The following EIPR1 variants were observed in gnomAD, a reference collection of about 807,000 sequenced individuals.
The protein encoded by EIPR1 is EARP and GARP complex-interacting protein 1.
EIPR1 carries 25 observed loss-of-function variants against 48.1 expected under a neutral mutation model. The observed-to-expected ratio is 0.52, with a 90% CI of 0.38 to 0.73. The LOEUF is 0.73. Among genes scored for constraint, EIPR1 ranks in the 30% least tolerant of loss-of-function variants. EIPR1 has a pLI of 0.00. For synonymous variants in EIPR1, 204 were observed against 201.9 expected, an observed-to-expected ratio of 1.01 and a Z score of -0.09; for missense variants, 415 against 506.2, an observed-to-expected ratio of 0.82 and a Z score of 1.73.
intron 4 of EIPR1, among the ~76,000 whole-genome samples, chr2:3,245,188 C>CCGTTG (rs57101380): frequency 3.3e-5 from 5 of 150,732 alleles, no homozygotes; most frequent in African/African-American, 4.9e-5. Context: ...TTTTACTTTA[C>CCGTTG]CGTTGCGTTG....
At position 3,355,710 on chromosome 2, in the gene EIPR1, G is replaced by C. The variant is rs573282121; in HGVS notation, c.43-1077C>G. Among the ~76,000 whole-genome samples, 5 of 152,184 alleles carry C rather than the reference G, an allele frequency of 3.3e-5. No homozygotes were observed. The South Asian group carries it at 1.0e-3, about 32-fold the overall frequency. On this transcript the variant is annotated intron_variant, in intron 1 of 8. Coordinates refer to ENST00000382125, the MANE Select transcript of EIPR1 (RefSeq NM_003310.5). ...CGTGCCTGTTGACTTAGCTGCTCAA[G>C]AGGCTGGGGCAGGAGGATCACTCGA...
At chr2:3,231,670 A>C (rs1666247873) in intron 4 of EIPR1, among the ~76,000 whole-genome samples, 1 of 152,204 alleles carries the variant, frequency 6.6e-6, no homozygotes, top group African/African-American at 2.4e-5. Flanking sequence ...GCATCCTTGC[A>C]TCTGAGGGAC....
intron 4 of EIPR1, among the ~76,000 whole-genome samples, chr2:3,234,535 A>G (rs1005819543): frequency 9.9e-5 from 15 of 152,210 alleles, no homozygotes; most frequent in Non-Finnish European, 1.9e-4. Context: ...TGCACAATAA[A>G]TAAGACCAGA....
In EIPR1 at chr2:3,189,655, G is replaced by A. The variant is rs1374716828; in HGVS notation, c.990-147C>T. ...CCGCTGTGGGATGGGAAGAATTAGA[G>A]GAGCCCACACCGAGGACGGTGGGGT... On this transcript the variant is annotated intron_variant, in intron 8 of 8. Transcript: ENST00000382125. The surrounding 1 kb of genome is among the most constrained non-coding windows in gnomAD (Gnocchi z 4.6). The A allele has an allele frequency of 6.6e-6, 5 of 756,344 alleles. No individual in the cohort carries two copies. Among genetic ancestry groups the A allele is most frequent in the Admixed American group, 3.2e-5 (1 of 31,010 alleles). 46.9% of individuals were successfully genotyped at this position (756,344 alleles called of 1,614,324 possible). A position where few individuals can be genotyped will look rare whatever the true frequency, so the allele number is the denominator to read the frequency against.
intron 7 of EIPR1, 88 bp downstream of exon 7, chr2:3,193,911 C>A: frequency 6.9e-7 from 1 of 1,448,686 alleles, no homozygotes. Context: ...ACAAACTAAG[C>A]TGGTTTGTGT....
intron 5 of EIPR1, chr2:3,208,689 C>T: frequency 1.3e-6 from 2 of 1,550,514 alleles, no homozygotes; most frequent in Non-Finnish European, 1.7e-6. Flanking sequence ...CCCCAATTCC[C>T]CCAGGAAACA....
At chr2:3,288,337 A>T (rs773793150) in intron 3 of EIPR1, among the ~76,000 whole-genome samples, 3 of 152,204 alleles carry the variant, frequency 2.0e-5, no homozygotes, top group Non-Finnish European at 4.4e-5. Context: ...GCAGTTTAGG[A>T]AATTGTCATT....
intron 3 of EIPR1, among the ~76,000 whole-genome samples, chr2:3,332,669 G>A (rs1347500460): frequency 6.6e-6 from 1 of 152,194 alleles, no homozygotes; most frequent in Admixed American, 6.5e-5. Context: ...CCCTCATTTT[G>A]CTTTCATGGA....
chr2:3,205,783 C>G lies in EIPR1; in HGVS notation c.516+8366G>C, dbSNP rs138638420. ...AGCCATCATTGGCAGGTTACTTAGT[C>G]TCTTTGAGGCTTGGCTCCAGCTCCT... On this transcript the variant is annotated intron_variant, in intron 5 of 8. Transcript: ENST00000382125. Among the ~76,000 whole-genome samples, 779 of 152,310 alleles carry G rather than the reference C, an allele frequency of 5.1e-3. 10 individuals carry two copies. The highest frequency in any genetic ancestry group is 0.017 in the African/African-American group (719 of 41,558).
chr2:3,314,942 G>A (rs974034157), intron 3 of EIPR1, among the ~76,000 whole-genome samples: 6 of 151,752 alleles, frequency 4.0e-5, no homozygotes, highest in African/African-American at 7.3e-5. Context: ...CCCTGGCAAG[G>A]CCCTGCCCTG....
intron 5 of EIPR1, chr2:3,208,528 A>G: frequency 1.3e-6 from 2 of 1,546,154 alleles, no homozygotes; most frequent in South Asian, 1.2e-5. Context: ...GATTAAAAGG[A>G]CTACTTAAAA....
chr2:3,358,220 G>A (rs1166467475), intron 1 of EIPR1, among the ~76,000 whole-genome samples: 2 of 152,142 alleles, frequency 1.3e-5, no homozygotes, highest in Admixed American at 1.3e-4. Context: ...ACAAGTGAAC[G>A]GTTGCCCTGA....
At chr2:3,192,056 C>T (rs1400283752) in intron 8 of EIPR1, among the ~76,000 whole-genome samples, 10 of 152,188 alleles carry the variant, frequency 6.6e-5, no homozygotes, top group Admixed American at 5.9e-4. Flanking sequence ...GACTGTGATG[C>T]GTCTCTTACA....
At chr2:3,371,921 G>A (rs1671125620) in intron 1 of EIPR1, among the ~76,000 whole-genome samples, 1 of 152,080 alleles carries the variant, frequency 6.6e-6, no homozygotes, top group African/African-American at 2.4e-5. Context: ...CAAATCAACA[G>A]AATATACATT....
intron 3 of EIPR1, among the ~76,000 whole-genome samples, chr2:3,328,790 C>G (rs1669784338): frequency 7.0e-6 from 1 of 142,412 alleles, no homozygotes; most frequent in Non-Finnish European, 1.5e-5. Context: ...AGGGCACCAG[C>G]CAGGCTCCCC....
chr2:3,298,962 C>A (rs185755160), intron 3 of EIPR1, among the ~76,000 whole-genome samples: 1 of 152,172 alleles, frequency 6.6e-6, no homozygotes, highest in Admixed American at 6.5e-5. Context: ...CTGCTCACTG[C>A]GCTCAGATCT....
At chr2:3,247,585 A>C (rs1666871742) in intron 4 of EIPR1, among the ~76,000 whole-genome samples, 1 of 152,210 alleles carries the variant, frequency 6.6e-6, no homozygotes, top group South Asian at 2.1e-4. Flanking sequence ...TCCGAAGGGC[A>C]CTGGTGTAAA....
intron 4 of EIPR1, among the ~76,000 whole-genome samples, chr2:3,256,582 A>G (rs1346724825): frequency 6.6e-6 from 1 of 152,256 alleles, no homozygotes; most frequent in Non-Finnish European, 1.5e-5. Flanking sequence ...TTGCAGACAC[A>G]CACGCACATG....
At chr2:3,351,004 A>ATTT (rs71396979) in intron 2 of EIPR1, among the ~76,000 whole-genome samples, 9,635 of 135,202 alleles carry the variant, frequency 0.071, 422 homozygotes, top group African/African-American at 0.099. Context: ...ATTTTGGGCG[A>ATTT]TTTTTTTTTT....
Sources: gnomAD v4.1 joint callset for allele counts (sites outside exome capture counted in the v4.1 genomes callset) on GRCh38, gnomAD v4.1.1 for gene constraint, Gnocchi (gnomAD v3.1) non-coding constraint, MANE v1.5 for transcripts, NCBI Gene and HGNC (gene_info 2026-07-23, HGNC 2026-07-21) for gene names.